Variants in FOXK1 observed in about 807,000 individuals in gnomAD.
The protein encoded by FOXK1 is forkhead box protein K1.
A neutral mutation model predicts 51.9 loss-of-function variants in FOXK1; 19 were observed. The ratio of observed to expected loss-of-function variants is 0.37; its 90% CI spans 0.26 to 0.54. The LOEUF is 0.54. Ranked by LOEUF, FOXK1 falls within the 20% of genes least tolerant of loss-of-function variation. The probability of loss-of-function intolerance (pLI) is 0.87; values close to 1 mark genes in which losing one functional copy is unlikely to be tolerated. For missense variants in FOXK1, 870 were observed against 1,032.7 expected, an observed-to-expected ratio of 0.84 and a Z score of 2.16; for synonymous variants, 537 against 482.6, an observed-to-expected ratio of 1.11 and a Z score of -1.48.
intron 1 of FOXK1, among the ~76,000 whole-genome samples, chr7:4,713,906 A>G (rs1051929377): frequency 2.7e-5 from 4 of 148,478 alleles, no homozygotes; most frequent in African/African-American, 7.5e-5. Flanking sequence ...GCTCACTGCA[A>G]CCTCCACCTC....
chr7:4,727,348 C>G (rs1025186017), intron 1 of FOXK1, among the ~76,000 whole-genome samples: 1 of 152,126 alleles, frequency 6.6e-6, no homozygotes, highest in Non-Finnish European at 1.5e-5. Context: ...GGGCGTCTTA[C>G]TCTGTTACCC....
intron 1 of FOXK1, among the ~76,000 whole-genome samples, chr7:4,684,153 A>T (rs1218634261): frequency 6.6e-6 from 1 of 152,160 alleles, no homozygotes. Context: ...GTTGATCAGG[A>T]GAAAGCCTGT....
In FOXK1 at chr7:4,762,276, C is replaced by T. The variant is rs1298535642; in HGVS notation, c.2014C>T (p.Pro672Ser). ...GGTGTGCGAGGTGGGGCCCAAGGAGCCAGCAGCAGCCGTCGCGGCCACGGC... is the reference window on the plus strand; with the variant it reads ...GGTGTGCGAGGTGGGGCCCAAGGAGTCAGCAGCAGCCGTCGCGGCCACGGC... ...TRVCEVGPKE[P>S]AAAVAATATT... The change falls in exon 9 of 9, where the codon CCA becomes TCA. Residue 672 changes from proline (P) to serine (S), a missense_variant. Physicochemically the swap from Pro to Ser is moderately conservative, Grantham distance 74. Around this residue, in one of 3 missense-constraint regions of FOXK1, gnomAD observed 457 missense variants for 510.8 expected, o/e 0.89. Coordinates refer to ENST00000328914, the MANE Select transcript of FOXK1 (RefSeq NM_001037165.2). This position sits in a 1 kb window ranked among gnomAD's most constrained non-coding sequence, Gnocchi z 5.7. 1.9e-6 allele frequency: 3 copies of T among 1,550,800 alleles called. No individual in the cohort carries two copies. Among genetic ancestry groups the T allele is most frequent in the East Asian group, 4.9e-5 (2 of 40,910 alleles).
intron 2 of FOXK1, among the ~76,000 whole-genome samples, chr7:4,750,167 T>C (rs1444413244): frequency 6.6e-6 from 1 of 152,228 alleles, no homozygotes; most frequent in Non-Finnish European, 1.5e-5. Context: ...ACTGTGCTTC[T>C]TCCCTCTCTC....
At chr7:4,696,115 C>CAAAAA (rs1192472036) in intron 1 of FOXK1, among the ~76,000 whole-genome samples, 1 of 80,142 alleles carries the variant, frequency 1.2e-5, no homozygotes, top group Non-Finnish European at 2.8e-5. Flanking sequence ...GACTGTGTCT[C>CAAAAA]AAAAAAAAAA....
rs574308740 is a variant in FOXK1, at chr7:4,715,784, C to T, written c.561-25054C>T. On this transcript the variant is annotated intron_variant, in intron 1 of 8. Coordinates refer to ENST00000328914, the MANE Select transcript of FOXK1 (RefSeq NM_001037165.2). The surrounding 1 kb of genome is among the most constrained non-coding windows in gnomAD (Gnocchi z 4.5). ...CCCTCACAGCGAATCCACCGAAGAG[C>T]GCTCCCATCCACAGCCGGCTCTTTG... Among the ~76,000 whole-genome samples the T allele has an allele frequency of 7.9e-5, 12 of 152,272 alleles. No individual in the cohort carries two copies. In the South Asian group the frequency reaches 8.3e-4, roughly 11 times the overall value.
At position 4,770,108 on chromosome 7, in the gene FOXK1, T is replaced by C. The variant is rs1781078383; in HGVS notation, c.*7644T>C. 1 of 152,220 alleles carries C rather than the reference T, an allele frequency of 6.6e-6. No homozygotes were observed. Among genetic ancestry groups the C allele is most frequent in the African/African-American group, 2.4e-5 (1 of 41,440 alleles). 9.4% of individuals were successfully genotyped at this position (152,220 alleles called of 1,614,324 possible). A position where few individuals can be genotyped will look rare whatever the true frequency, so the allele number is the denominator to read the frequency against. On this transcript the variant is annotated 3_prime_UTR_variant, in exon 9 of 9. Transcript: ENST00000328914. Reference sequence around the variant, plus strand: ...GAAATGAGAGACTCTGAATTAGAGTTTTTGTTTGTTTGTTTGTTCTCTGCA... The same window carrying C: ...GAAATGAGAGACTCTGAATTAGAGTCTTTGTTTGTTTGTTTGTTCTCTGCA...
In FOXK1 at chr7:4,758,146, C is replaced by G. The variant is rs1323427520; in HGVS notation, c.1245-905C>G. On this transcript the variant is annotated intron_variant, in intron 5 of 8. Transcript: ENST00000328914. This position sits in a 1 kb window ranked among gnomAD's most constrained non-coding sequence, Gnocchi z 4.4. ...GAGGACCCGGGGAGAGCCCAATCTTCGAAGGGACAGATGAGGGGTATGACC... is the reference window on the plus strand; with the variant it reads ...GAGGACCCGGGGAGAGCCCAATCTTGGAAGGGACAGATGAGGGGTATGACC... 1 of 152,268 alleles carries G rather than the reference C, an allele frequency of 6.6e-6. No individual in the cohort carries two copies. The highest frequency in any genetic ancestry group is 1.5e-5 in the Non-Finnish European group (1 of 68,072). The allele number at this position is 152,268 out of a possible 1,614,324, so 9.4% of individuals were successfully genotyped here.
intron 1 of FOXK1, among the ~76,000 whole-genome samples, chr7:4,719,108 CTTGTTTTTT>C (rs1373869503): frequency 3.6e-5 from 5 of 140,748 alleles, no homozygotes; most frequent in African/African-American, 5.5e-5. Flanking sequence ...CACACCCAAC[CTTGTTTTTT>C]TTGTTTTTTT....
At chr7:4,692,137 A>G (rs1340459171) in intron 1 of FOXK1, among the ~76,000 whole-genome samples, 8 of 152,184 alleles carry the variant, frequency 5.3e-5, no homozygotes, top group Non-Finnish European at 1.2e-4. Flanking sequence ...TGAAAAAAAA[A>G]CTATATACCC....
chr7:4,713,852 T>A (rs925195011), intron 1 of FOXK1, among the ~76,000 whole-genome samples: 1 of 148,758 alleles, frequency 6.7e-6, no homozygotes, highest in Non-Finnish European at 1.5e-5. Flanking sequence ...GGAGACAGAG[T>A]TTTGCTCTTG....
At position 4,728,422 on chromosome 7, in the gene FOXK1, G is replaced by A. The variant is rs183836546; in HGVS notation, c.561-12416G>A. On this transcript the variant is annotated intron_variant, in intron 1 of 8. Transcript: ENST00000328914. ...CTCATTCCACTTCACATGTAAACTTGTTTCTATGCATTCACCTCCTGGGAG... is the reference window on the plus strand; with the variant it reads ...CTCATTCCACTTCACATGTAAACTTATTTCTATGCATTCACCTCCTGGGAG... Among the ~76,000 whole-genome samples, 37 of 152,320 alleles carry A rather than the reference G, an allele frequency of 2.4e-4. No homozygotes were observed. The East Asian group carries it at 3.1e-3, about 13-fold the overall frequency.
At position 4,717,374 on chromosome 7, in the gene FOXK1, C is replaced by T. The variant is rs555037941; in HGVS notation, c.561-23464C>T. 2.0e-4 allele frequency among the ~76,000 whole-genome samples: 21 copies of T among 106,490 alleles called. No homozygotes were observed. The South Asian group carries it at 5.9e-3, about 30-fold the overall frequency. The allele number at this position is 106,490 out of a possible 152,430, so 69.9% of individuals were successfully genotyped here. ...GAGGCATGTGGCTGGAAGATGGTGG[C>T]GGGAGGCATATGGCTGGAAGGTGGT... On this transcript the variant is annotated intron_variant, in intron 1 of 8. Coordinates refer to ENST00000328914, the MANE Select transcript of FOXK1 (RefSeq NM_001037165.2).
rs561545279 is a variant in FOXK1, at chr7:4,761,128, G to A, written c.1761G>A (p.Thr587=). Residue 587 remains threonine (T), a synonymous_variant, in exon 8 of 9, where the codon ACG becomes ACA. Coordinates refer to ENST00000328914, the MANE Select transcript of FOXK1 (RefSeq NM_001037165.2). This position sits in a 1 kb window ranked among gnomAD's most constrained non-coding sequence, Gnocchi z 6.2. ...CCGCGGCTGGTGGAGTCATCCAGAC[G>A]GTGGCCAGCCAGATGGCCCCCGGGG... ...TIPAAGGVIQ[T]VASQMAPGVP... 62 of 1,612,858 alleles carry A rather than the reference G, an allele frequency of 3.8e-5. 1 individual carries two copies. The East Asian group carries it at 1.2e-3, about 31-fold the overall frequency.
chr7:4,752,541 C>T (rs10447568), intron 2 of FOXK1, among the ~76,000 whole-genome samples: 1 of 152,252 alleles, frequency 6.6e-6, no homozygotes, highest in African/African-American at 2.4e-5. Flanking sequence ...TTGTGGAGTG[C>T]TGGGGGGTGC....
chr7:4,747,263 C>G lies in FOXK1; in HGVS notation c.746+6240C>G, dbSNP rs1217643983. On this transcript the variant is annotated intron_variant, in intron 2 of 8. Transcript: ENST00000328914. The surrounding 1 kb of genome is among the most constrained non-coding windows in gnomAD (Gnocchi z 9.2). ...GGGCATGTTACGCACGAGGACAGCCCTTTCCGGGTTCCATGAGCCTCAGGG... is the reference window on the plus strand; with the variant it reads ...GGGCATGTTACGCACGAGGACAGCCGTTTCCGGGTTCCATGAGCCTCAGGG... Among the ~76,000 whole-genome samples, 3 of 151,060 alleles carry G rather than the reference C, an allele frequency of 2.0e-5. No individual in the cohort carries two copies. Among genetic ancestry groups the G allele is most frequent in the African/African-American group, 7.2e-5 (3 of 41,390 alleles).
chr7:4,703,431 C>G lies in FOXK1; in HGVS notation c.560+20563C>G, dbSNP rs571573482. ...AAGACATGCGGAGAACCCGCGTCTG[C>G]AGGGCTGGTGGCGTCCAGCACAGGG... is the stretch of plus-strand genomic sequence containing the variant. On this transcript the variant is annotated intron_variant, in intron 1 of 8. Coordinates refer to ENST00000328914, the MANE Select transcript of FOXK1 (RefSeq NM_001037165.2). This position sits in a 1 kb window ranked among gnomAD's most constrained non-coding sequence, Gnocchi z 5.6. Among the ~76,000 whole-genome samples the G allele has an allele frequency of 3.9e-5, 6 of 152,316 alleles. No homozygotes were observed. Among genetic ancestry groups the G allele is most frequent in the Non-Finnish European group, 5.9e-5 (4 of 68,024 alleles).
In FOXK1 at chr7:4,726,701, C is replaced by T. The variant is rs1017976963; in HGVS notation, c.561-14137C>T. On this transcript the variant is annotated intron_variant, in intron 1 of 8. Transcript: ENST00000328914. Reference sequence around the variant, plus strand: ...CAGCGGGAGCTCACTCCTGCCATGTCGCTCTTGTTTCTTCTCCCCTCTGCA... The same window carrying T: ...CAGCGGGAGCTCACTCCTGCCATGTTGCTCTTGTTTCTTCTCCCCTCTGCA... Among the ~76,000 whole-genome samples, 4 of 152,034 alleles carry T rather than the reference C, an allele frequency of 2.6e-5. No homozygotes were observed. In the East Asian group the frequency reaches 5.8e-4, roughly 22 times the overall value.
chr7:4,697,343 T>C (rs80033128), intron 1 of FOXK1, among the ~76,000 whole-genome samples: 4,570 of 152,344 alleles, frequency 0.03, 107 homozygotes, highest in Non-Finnish European at 0.048. Context: ...CTAGCCGGTA[T>C]TCACGGCCAA....
Sources: allele counts gnomAD v4.1 joint callset (sites outside exome capture counted in the v4.1 genomes callset), GRCh38; gene constraint gnomAD v4.1.1; regional missense constraint gnomAD v4.1.1; non-coding constraint Gnocchi (gnomAD v3.1); transcripts MANE v1.5; gene names NCBI Gene and HGNC (gene_info 2026-07-23, HGNC 2026-07-21).